The following SHANK2 variants were observed in gnomAD, a reference collection of about 807,000 sequenced individuals.
The protein encoded by SHANK2 is SH3 and multiple ankyrin repeat domains protein 2.
In SHANK2, 43 loss-of-function variants were observed where a neutral mutation model predicts 133.7. The ratio of observed to expected loss-of-function variants is 0.32; its 90% CI spans 0.25 to 0.41. The LOEUF is 0.41. Ranked by LOEUF, SHANK2 falls within the 10% of genes least tolerant of loss-of-function variation. The probability of loss-of-function intolerance (pLI) is 1.00; values close to 1 mark genes in which losing one functional copy is unlikely to be tolerated. For synonymous variants in SHANK2, 1,017 were observed against 952.8 expected, an observed-to-expected ratio of 1.07 and a Z score of -1.24; for missense variants, 1,994 against 2,235.8, an observed-to-expected ratio of 0.89 and a Z score of 2.18.
chr11:70,646,777 T>G (rs1029107237), intron 17 of SHANK2, among the ~76,000 whole-genome samples: 2 of 152,220 alleles, frequency 1.3e-5, no homozygotes, highest in Admixed American at 6.5e-5. Context: ...ACAGGGTTTC[T>G]GATCTTTAAT....
At chr11:70,721,886 A>G (rs1332304541) in intron 14 of SHANK2, among the ~76,000 whole-genome samples, 2 of 152,222 alleles carry the variant, frequency 1.3e-5, no homozygotes, top group East Asian at 3.8e-4. Context: ...CTTCAACATC[A>G]AGGGAAGAAT....
chr11:70,469,215 C>T lies in SHANK2; in HGVS notation c.*3654G>A, dbSNP rs1245520586. The stretch of plus-strand genomic sequence containing the variant: ...TTGCATAATTCTGAAATAACATGCA[C>T]GTATCCATTGATAAATTGAGAATAA... On this transcript the variant is annotated 3_prime_UTR_variant, in exon 26 of 26. Coordinates refer to ENST00000601538, the MANE Select transcript of SHANK2 (RefSeq NM_012309.5). 1 of 152,248 alleles carries T rather than the reference C, an allele frequency of 6.6e-6. No homozygotes were observed. The highest frequency in any genetic ancestry group is 2.4e-5 in the African/African-American group (1 of 41,438). 9.4% of individuals were successfully genotyped at this position (152,248 alleles called of 1,614,324 possible). A position where few individuals can be genotyped will look rare whatever the true frequency, so the allele number is the denominator to read the frequency against.
At chr11:71,143,509 C>T (rs1213216308) in intron 3 of SHANK2, among the ~76,000 whole-genome samples, 1 of 152,180 alleles carries the variant, frequency 6.6e-6, no homozygotes, top group Non-Finnish European at 1.5e-5. Flanking sequence ...ATCTTGTAAA[C>T]AAGCGTCTGA....
intron 14 of SHANK2, among the ~76,000 whole-genome samples, chr11:70,762,510 T>C (rs1405431412): frequency 6.6e-6 from 1 of 152,126 alleles, no homozygotes; most frequent in Non-Finnish European, 1.5e-5. Context: ...CCAGGGTTTT[T>C]GTGGTGCCAA....
At chr11:70,660,206 A>G (rs1169338986) in intron 16 of SHANK2, among the ~76,000 whole-genome samples, 1 of 152,144 alleles carries the variant, frequency 6.6e-6, no homozygotes, top group African/African-American at 2.4e-5. Flanking sequence ...ACCACAGGAT[A>G]ATGTGCTCTG....
At chr11:70,868,982 CG>C (rs1565372223) in intron 11 of SHANK2, among the ~76,000 whole-genome samples, 1 of 152,144 alleles carries the variant, frequency 6.6e-6, no homozygotes. Context: ...AGCATGTGTG[CG>C]ACTGTATAGG....
chr11:70,509,544 C>T (rs1438172916), intron 17 of SHANK2, among the ~76,000 whole-genome samples: 3 of 152,232 alleles, frequency 2.0e-5, no homozygotes, highest in Non-Finnish European at 2.9e-5. Context: ...GTGTAGCCTT[C>T]GGGTCAGCTT....
intron 17 of SHANK2, among the ~76,000 whole-genome samples, chr11:70,606,958 T>G (rs1554992646): frequency 6.6e-6 from 1 of 152,186 alleles, no homozygotes; most frequent in East Asian, 1.9e-4. Context: ...TTCCCAGTCA[T>G]GTCGTCTGTG....
chr11:70,625,506 T>C (rs1447857374), intron 17 of SHANK2, among the ~76,000 whole-genome samples: 1 of 152,062 alleles, frequency 6.6e-6, no homozygotes, highest in Non-Finnish European at 1.5e-5. Context: ...TCAGGCAGGA[T>C]ATTCTGGGAG....
intron 2 of SHANK2, among the ~76,000 whole-genome samples, chr11:71,155,558 A>G (rs1952892470): frequency 6.6e-6 from 1 of 152,256 alleles, no homozygotes; most frequent in African/African-American, 2.4e-5. Context: ...CAGTAACTGA[A>G]GCAGAACCTG....
Position 70,639,064 on chromosome 11 carries a change from G to A in SHANK2, c.2061+20764C>T, listed in dbSNP as rs371038194. ...GAGTCCATGGCTCACACTGCCCTGAGTCTCACAGAGCCAGCCTGGGCTGGT... is the reference window on the plus strand; with the variant it reads ...GAGTCCATGGCTCACACTGCCCTGAATCTCACAGAGCCAGCCTGGGCTGGT... On this transcript the variant is annotated intron_variant, in intron 17 of 25. Transcript: ENST00000601538. Among the ~76,000 whole-genome samples, 52 of 152,230 alleles carry A rather than the reference G, an allele frequency of 3.4e-4. 1 individual carries two copies. Among genetic ancestry groups the A allele is most frequent in the African/African-American group, 1.2e-3 (50 of 41,550 alleles).
At chr11:70,625,534 A>G (rs2060892868) in intron 17 of SHANK2, among the ~76,000 whole-genome samples, 1 of 152,146 alleles carries the variant, frequency 6.6e-6, no homozygotes, top group South Asian at 2.1e-4. Context: ...ACCACCTCCC[A>G]GGAGGTGAAG....
Position 70,807,168 on chromosome 11 carries a change from C to T in SHANK2, c.1497G>A (p.Ser499=), listed in dbSNP as rs781865701. The T allele has an allele frequency of 2.7e-5, 19 of 716,768 alleles. No individual in the cohort carries two copies. The highest frequency in any genetic ancestry group is 2.3e-4 in the Middle Eastern group (1 of 4,388). The allele number at this position is 716,768 out of a possible 1,614,324, so 44.4% of individuals were successfully genotyped here. ...KRPQPLWHVG[S]PFALGANKDS... is the part of the protein sequence containing the mutation. Reference sequence around the variant, plus strand: ...CCTTGTTGGCACCAAGAGCAAAAGGCGACCTGGACCAGGTGAGAGGGGCAG... The same window carrying T: ...CCTTGTTGGCACCAAGAGCAAAAGGTGACCTGGACCAGGTGAGAGGGGCAG... Residue 499 remains serine (S), a synonymous_variant, in exon 13 of 26, where the codon TCG becomes TCA. Transcript: ENST00000601538. This position sits in a 1 kb window ranked among gnomAD's most constrained non-coding sequence, Gnocchi z 4.8.
chr11:70,927,770 C>T (rs1182075927), intron 10 of SHANK2, among the ~76,000 whole-genome samples: 1 of 152,144 alleles, frequency 6.6e-6, no homozygotes, highest in Non-Finnish European at 1.5e-5. Flanking sequence ...GTTCCTGGAT[C>T]AGCATTTGAA....
At chr11:70,505,168 G>A (rs1373705904) in intron 17 of SHANK2, among the ~76,000 whole-genome samples, 1 of 152,180 alleles carries the variant, frequency 6.6e-6, no homozygotes, top group Non-Finnish European at 1.5e-5. Flanking sequence ...GAGCAGTGTG[G>A]GCGGAGTCAT....
intron 15 of SHANK2, among the ~76,000 whole-genome samples, chr11:70,667,375 C>T (rs148682826): frequency 8.7e-4 from 133 of 152,294 alleles, no homozygotes; most frequent in African/African-American, 2.9e-3. Context: ...ATGGGATACA[C>T]TTGGAGCACT....
At chr11:71,088,510 C>T (rs1264614962) in intron 8 of SHANK2, among the ~76,000 whole-genome samples, 1 of 151,672 alleles carries the variant, frequency 6.6e-6, no homozygotes, top group Non-Finnish European at 1.5e-5. Flanking sequence ...GCGGGAGGGA[C>T]GTCCCCAACG....
chr11:71,112,682 T>C (rs530374452), intron 5 of SHANK2, among the ~76,000 whole-genome samples: 1 of 152,210 alleles, frequency 6.6e-6, no homozygotes, highest in South Asian at 2.1e-4. Context: ...CTCCTGTTGG[T>C]TAAGCAAAGT....
Position 71,224,681 on chromosome 11 carries a change from A to G in SHANK2, c.-13+16T>C, listed in dbSNP as rs1302971979. The G allele has an allele frequency of 1.3e-5, 2 of 152,242 alleles. No homozygotes were observed. Among genetic ancestry groups the G allele is most frequent in the African/African-American group, 4.8e-5 (2 of 41,448 alleles). 9.4% of individuals were successfully genotyped at this position (152,242 alleles called of 1,614,324 possible). A position where few individuals can be genotyped will look rare whatever the true frequency, so the allele number is the denominator to read the frequency against. On this transcript the variant is annotated intron_variant, in intron 2 of 25. Transcript: ENST00000601538. The stretch of plus-strand genomic sequence containing the variant: ...GCTTGCAGGTAACAAGGACAGGGGA[A>G]AATGTTATAACTCACCAGAGGTGTT...
Sources: allele counts gnomAD v4.1 joint callset (sites outside exome capture counted in the v4.1 genomes callset), GRCh38; gene constraint gnomAD v4.1.1; non-coding constraint Gnocchi (gnomAD v3.1); transcripts MANE v1.5; gene names NCBI Gene and HGNC (gene_info 2026-07-23, HGNC 2026-07-21).